The following ADAMTSL1 variants were observed in gnomAD, a reference collection of about 807,000 sequenced individuals.
The protein encoded by ADAMTSL1 is ADAMTS-like protein 1.
ADAMTSL1 carries 126 observed loss-of-function variants against 201.8 expected under a neutral mutation model. The ratio of observed to expected loss-of-function variants is 0.62; its 90% confidence interval spans 0.54 to 0.72. The LOEUF is 0.72. ADAMTSL1 is among the 30% of genes least tolerant of loss of function. The pLI is 0.00. For missense variants in ADAMTSL1, 2,679 were observed against 2,277.8 expected (o/e 1.18, Z -3.59); for synonymous variants, 1,121 against 903.4 (o/e 1.24, Z -4.32).
chr9:18,138,243 T>G (rs1177875939), intron 1 of ADAMTSL1, among the ~76,000 whole-genome samples: 1 of 151,608 alleles, frequency 6.6e-6, no homozygotes, highest in African/African-American at 2.4e-5. Flanking sequence ...GAATATGTAT[T>G]ATAATTATTA....
At chr9:18,720,035 A>G (rs768578872) in intron 14 of ADAMTSL1, among the ~76,000 whole-genome samples, 3 of 152,250 alleles carry the variant, frequency 2.0e-5, no homozygotes, top group South Asian at 4.1e-4. Context: ...AAATGTAAGT[A>G]TCTTTATATA....
intron 1 of ADAMTSL1, among the ~76,000 whole-genome samples, chr9:17,937,874 A>T (rs894416541): frequency 7.9e-5 from 12 of 152,280 alleles, no homozygotes; most frequent in African/African-American, 2.9e-4. Context: ...TTTACAATTC[A>T]TGTTTGTTTA....
In ADAMTSL1 at chr9:18,826,342, C is replaced by T. The variant is rs1325679452; in HGVS notation, c.3993C>T (p.His1331=). ...FRNKSKLGSP[H]HLHEGSLLLT... is the part of the protein sequence containing the mutation. ...ATAAAAGCAAACTGGGCTCCCCGCA[C>T]CATCTGCACGAAGGCTCCTTGCTGC... The change falls in exon 22 of 29, where the codon CAC becomes CAT. Residue 1331 remains histidine (H), a synonymous_variant. Transcript: ENST00000380548. 1.2e-6 allele frequency: 2 copies of T among 1,613,562 alleles called. No homozygotes were observed.
chr9:18,543,982 A>C (rs1243203295), intron 3 of ADAMTSL1, among the ~76,000 whole-genome samples: 1 of 151,960 alleles, frequency 6.6e-6, no homozygotes, highest in Non-Finnish European at 1.5e-5. Flanking sequence ...CCTCTGCTTC[A>C]ACTCTGACTC....
chr9:18,085,780 TACAC>T (rs1354949253), intron 1 of ADAMTSL1, among the ~76,000 whole-genome samples: 4 of 149,852 alleles, frequency 2.7e-5, no homozygotes, highest in African/African-American at 7.4e-5. Flanking sequence ...TATATATATA[TACAC>T]ACACACACAC....
chr9:18,893,294 C>T (rs1397894340), intron 26 of ADAMTSL1, among the ~76,000 whole-genome samples: 2 of 152,092 alleles, frequency 1.3e-5, no homozygotes, highest in African/African-American at 4.8e-5. Context: ...CAATAGCAAA[C>T]AGATCCGGCT....
At chr9:18,846,459 AC>A (rs1242309478) in intron 23 of ADAMTSL1, among the ~76,000 whole-genome samples, 1 of 152,160 alleles carries the variant, frequency 6.6e-6, no homozygotes, top group East Asian at 1.9e-4. Context: ...CCTTTCAAGA[AC>A]CTTTTTGGTC....
At chr9:18,687,441 T>C (rs1219052934) in intron 13 of ADAMTSL1, among the ~76,000 whole-genome samples, 1 of 152,204 alleles carries the variant, frequency 6.6e-6, no homozygotes, top group Non-Finnish European at 1.5e-5. Flanking sequence ...TAAATGGTAA[T>C]GTTTAGAAGC....
At chr9:18,569,793 A>G (rs1002774107) in intron 3 of ADAMTSL1, among the ~76,000 whole-genome samples, 7 of 152,250 alleles carry the variant, frequency 4.6e-5, no homozygotes, top group Admixed American at 2.0e-4. Flanking sequence ...TATTTAAACC[A>G]TAATTCATTT....
intron 4 of ADAMTSL1, among the ~76,000 whole-genome samples, chr9:18,596,533 A>G (rs984661213): frequency 6.6e-6 from 1 of 152,192 alleles, no homozygotes; most frequent in Non-Finnish European, 1.5e-5. Flanking sequence ...AGCTGGGATT[A>G]CAGGTGCGCA....
At chr9:17,907,468 G>A (rs920804225) in intron 1 of ADAMTSL1, among the ~76,000 whole-genome samples, 2 of 152,208 alleles carry the variant, frequency 1.3e-5, no homozygotes, top group African/African-American at 4.8e-5. Context: ...GCCGGACCAG[G>A]TGGGCTCCCT....
intron 2 of ADAMTSL1, among the ~76,000 whole-genome samples, chr9:18,353,362 A>G (rs543608971): frequency 1.3e-5 from 2 of 152,234 alleles, no homozygotes; most frequent in Non-Finnish European, 2.9e-5. Context: ...TCAAGTGTCT[A>G]GTTCTAGCAC....
At chr9:18,844,690 C>A (rs2082577) in intron 23 of ADAMTSL1, among the ~76,000 whole-genome samples, 135,327 of 152,078 alleles carry the variant, frequency 0.89, 60,428 homozygotes, top group African/African-American at 0.95. Flanking sequence ...GTGGGCTCCA[C>A]CCAGTTCGAG....
At chr9:17,980,595 G>A (rs1818649391) in intron 1 of ADAMTSL1, among the ~76,000 whole-genome samples, 1 of 152,026 alleles carries the variant, frequency 6.6e-6, no homozygotes, top group East Asian at 1.9e-4. Context: ...GCATGATGGT[G>A]TGATGGGGTT....
At chr9:17,914,173 A>G (rs956769659) in intron 1 of ADAMTSL1, among the ~76,000 whole-genome samples, 2 of 152,212 alleles carry the variant, frequency 1.3e-5, no homozygotes, top group Non-Finnish European at 2.9e-5. Context: ...TCATTTTATG[A>G]GGCCAGCATC....
intron 1 of ADAMTSL1, among the ~76,000 whole-genome samples, chr9:17,942,622 A>C (rs1437094910): frequency 6.6e-6 from 1 of 152,120 alleles, no homozygotes; most frequent in Non-Finnish European, 1.5e-5. Flanking sequence ...CCAAAATATC[A>C]ATACCAACCT....
At chr9:18,050,287 T>A (rs1821873996) in intron 1 of ADAMTSL1, among the ~76,000 whole-genome samples, 1 of 152,212 alleles carries the variant, frequency 6.6e-6, no homozygotes, top group Non-Finnish European at 1.5e-5. Context: ...AATTTTCTGA[T>A]AAATGGGTAT....
chr9:18,543,963 A>G (rs1820323108), intron 3 of ADAMTSL1, among the ~76,000 whole-genome samples: 1 of 151,696 alleles, frequency 6.6e-6, no homozygotes, highest in African/African-American at 2.4e-5. Flanking sequence ...TGTGTTCTCA[A>G]TTTCTTATCC....
rs527905557 is a variant in ADAMTSL1 at position 18,240,705 on chromosome 9, T to A, written c.207+76724T>A. Among the ~76,000 whole-genome samples the A allele has an allele frequency of 6.2e-4, 95 of 152,334 alleles. 2 individuals are homozygous for A. The South Asian group carries it at 0.019, about 30-fold the overall frequency. ...TATCAAAGTACTCCAGAGGGAGTAC[T>A]CCCTAACATATCTTATACGGCTGTT... On this transcript the variant is annotated intron_variant, in intron 2 of 29. Coordinates refer to the ADAMTSL1 transcript ENST00000680146.
Sources: allele counts gnomAD v4.1 joint callset (sites outside exome capture counted in the v4.1 genomes callset), GRCh38; gene constraint gnomAD v4.1.1; transcripts MANE v1.5; gene names NCBI Gene and HGNC (gene_info 2026-07-23, HGNC 2026-07-21).